ITGA10: variants seen among roughly 807,000 people sequenced by gnomAD.
ITGA10 encodes integrin alpha-10.
ITGA10 carries 105 observed loss-of-function variants against 145.2 expected under a neutral mutation model. The observed-to-expected ratio is 0.72, with a 90% CI of 0.62 to 0.85. The LOEUF is 0.85. ITGA10 is among the 40% of genes least tolerant of loss of function. ITGA10 has a pLI of 0.00. For missense variants in ITGA10, 1,317 were observed against 1,444.5 expected (o/e 0.91, Z 1.43); for synonymous variants, 506 against 557.8 (o/e 0.91, Z 1.31).
rs1654888688 is a variant in ITGA10, at chr1:145,892,827, C to A, written c.3475G>T (p.Glu1159Ter). 6.2e-7 allele frequency: 1 copy of A among 1,613,466 alleles called. No individual in the cohort carries two copies. The highest frequency in any genetic ancestry group is 8.5e-7 in the Non-Finnish European group (1 of 1,179,664). The change falls in exon 30 of 30, where the codon GAA (glutamate) becomes TAA (stop). Residue 1159 changes from glutamate to a stop codon, truncating the protein, a stop_gained. Transcript: ENST00000369304. LOFTEE classifies it high-confidence loss of function. ...TGCTCCAACTTCTCTTCTCTTTTTT[C>A]TTCCTCAGGGATTTTCTTATGGGCA... Reference protein sequence around the residue: ...FFAHKKIPEEEKREEKLEQ With the variant: ...FFAHKKIPEE
At chr1:145,899,924 C>T in intron 15 of ITGA10, 133 bp downstream of exon 15, 1 of 855,070 alleles carries the variant, frequency 1.2e-6, no homozygotes. Context: ...TTACTACTGT[C>T]ATTTTATAAA....
At position 145,898,921 on chromosome 1, in the gene ITGA10, C is replaced by G. The variant is rs1257932445; in HGVS notation, c.2232+15G>C. On this transcript the variant is annotated intron_variant, in intron 17 of 29. Transcript: ENST00000369304. ...CTCAGGCCCTGATGCTAAGCAGTTA[C>G]TGCCCTCTCCTTACCAGCACATGGA... 6.2e-7 allele frequency: 1 copy of G among 1,608,214 alleles called. No individual in the cohort carries two copies. The highest frequency in any genetic ancestry group is 8.5e-7 in the Non-Finnish European group (1 of 1,175,956).
intron 7 of ITGA10, 63 bp from the exon 8 acceptor site, chr1:145,903,024 T>C (rs28369274): frequency 0.029 from 10,750 of 376,780 alleles, 136 homozygotes; most frequent in South Asian, 0.065. Context: ...CACACACACA[T>C]ACACACACAC....
Position 145,892,019 on chromosome 1 carries a change from G to A in ITGA10, c.*779C>T, listed in dbSNP as rs1293342807. 6.6e-6 allele frequency: 1 copy of A among 152,600 alleles called. No homozygotes were observed. Among genetic ancestry groups the A allele is most frequent in the Non-Finnish European group, 1.5e-5 (1 of 68,150 alleles). The allele number at this position is 152,600 out of a possible 1,614,324, so 9.5% of individuals were successfully genotyped here. On this transcript the variant is annotated 3_prime_UTR_variant, in exon 30 of 30. Transcript: ENST00000369304. Reference sequence around the variant, plus strand: ...TGCTATTCCAGCTCCAGCCACCTGAGGGCTCCTGGCTTCAGAAAATCAGGC... The same window carrying A: ...TGCTATTCCAGCTCCAGCCACCTGAAGGCTCCTGGCTTCAGAAAATCAGGC...
At chr1:145,900,233 G>A in intron 14 of ITGA10, 46 bp from the exon 15 acceptor site, 1 of 1,550,408 alleles carries the variant, frequency 6.4e-7, no homozygotes, top group South Asian at 1.2e-5. Context: ...CATACACCTA[G>A]TTTCTCAGGC....
Position 145,898,995 on chromosome 1 carries a change from G to A in ITGA10, c.2173C>T (p.Arg725Trp), listed in dbSNP as rs782130276. 1.2e-5 allele frequency: 19 copies of A among 1,614,102 alleles called. No homozygotes were observed. The highest frequency in any genetic ancestry group is 1.6e-4 in the Middle Eastern group (1 of 6,084). The change falls in exon 17 of 30, where the codon CGG becomes TGG. Residue 725 changes from arginine (R) to tryptophan (W), a missense_variant. Arg to Trp is a moderately radical substitution (Grantham distance 101). Transcript: ENST00000369304. ...FDGSGQRLSPRRLRLSVGNVT... is the reference protein window; with the variant it reads ...FDGSGQRLSPWRLRLSVGNVT... ...TTCCCCACACTGAGCCGGAGCCTCC[G>A]AGGGGACAACCTCTGGCCAGAGCCA...
chr1:145,897,400 C>G, intron 20 of ITGA10, 61 bp from the exon 21 acceptor site: 2 of 1,599,298 alleles, frequency 1.3e-6, no homozygotes, highest in East Asian at 2.2e-5. Context: ...GTCCTACCCA[C>G]AGCCTCTAAA....
chr1:145,901,686 G>A lies in ITGA10; in HGVS notation c.1295-22C>T, dbSNP rs1656341487. The A allele has an allele frequency of 3.9e-6, 6 of 1,542,408 alleles. No homozygotes were observed. The highest frequency in any genetic ancestry group is 5.2e-6 in the Non-Finnish European group (6 of 1,146,450). On this transcript the variant is annotated intron_variant, in intron 11 of 29. Transcript: ENST00000369304. The surrounding 1 kb of genome is among the most constrained non-coding windows in gnomAD (Gnocchi z 4.3). ...TAACCTAGAAGTGGGCAAAGTAACAGAGGTAAAGGAAAAGAAGATGGGGTC... is the reference window on the plus strand; with the variant it reads ...TAACCTAGAAGTGGGCAAAGTAACAAAGGTAAAGGAAAAGAAGATGGGGTC...
At chr1:145,908,031 A>G (rs587633862) in intron 1 of ITGA10, among the ~76,000 whole-genome samples, 1 of 151,766 alleles carries the variant, frequency 6.6e-6, no homozygotes, top group South Asian at 2.1e-4. Flanking sequence ...CGGCCTCCCA[A>G]AGTGCTGGGA....
At position 145,895,826 on chromosome 1, in the gene ITGA10, T is replaced by C. The variant is rs1655313021; in HGVS notation, c.3034-115A>G. The stretch of plus-strand genomic sequence containing the variant: ...TCTTCCCCTTATAATACCTTTTTCT[T>C]CTCTCTAATAAGCCACATGTGTAAA... On this transcript the variant is annotated intron_variant, in intron 25 of 29. Coordinates refer to ENST00000369304, the MANE Select transcript of ITGA10 (RefSeq NM_003637.5). 1.1e-5 allele frequency: 12 copies of C among 1,076,842 alleles called. 1 individual carries two copies. In the South Asian group the frequency reaches 1.7e-4, roughly 16 times the overall value. 66.7% of individuals were successfully genotyped at this position (1,076,842 alleles called of 1,614,324 possible).
chr1:145,903,827 G>C (rs1181044458), intron 7 of ITGA10, among the ~76,000 whole-genome samples: 4 of 151,864 alleles, frequency 2.6e-5, no homozygotes. Flanking sequence ...GCATGCCTCT[G>C]AACAGGCATG....
At position 145,902,592 on chromosome 1, in the gene ITGA10, G is replaced by A. The variant is rs1553749335; in HGVS notation, c.937C>T (p.Arg313Ter). Residue 313 changes from arginine (R) to a stop codon, truncating the protein, a stop_gained, in exon 9 of 30, where the codon CGA (arginine) becomes TGA (stop). Transcript: ENST00000369304. LOFTEE classifies it high-confidence loss of function. ...AVLGHYLRRQ[R>*]DPSSFLREIR... ...TCTCTCAGGAAAGAGCTGGGATCTCGCTGCCGCCGGAGGTAGTGACCAAGG... is the reference window on the plus strand; with the variant it reads ...TCTCTCAGGAAAGAGCTGGGATCTCACTGCCGCCGGAGGTAGTGACCAAGG... The A allele has an allele frequency of 5.6e-6, 9 of 1,608,996 alleles. No individual in the cohort carries two copies. The highest frequency in any genetic ancestry group is 4.0e-5 in the African/African-American group (3 of 74,776).
At chr1:145,900,032 C>T in intron 15 of ITGA10, 25 bp downstream of exon 15, 4 of 1,605,452 alleles carry the variant, frequency 2.5e-6, no homozygotes, top group Non-Finnish European at 2.5e-6. Flanking sequence ...TGCTGTCCAC[C>T]ACCACCTGAG....
At position 145,899,210 on chromosome 1, in the gene ITGA10, G is replaced by A. The variant is rs781935350; in HGVS notation, c.2054C>T (p.Thr685Ile). 2.1e-5 allele frequency: 34 copies of A among 1,614,124 alleles called. No homozygotes were observed. The East Asian group carries it at 7.6e-4, about 36-fold the overall frequency. Residue 685 changes from threonine to isoleucine, a missense_variant, in exon 16 of 30, where the codon ACC becomes ATC. Coordinates refer to ENST00000369304, the MANE Select transcript of ITGA10 (RefSeq NM_003637.5). ...ATCCCAGCGACCAGGAGTACGGGAGGTCACTTGGAAGCAAAGGGCTGCAGT... is the reference window on the plus strand; with the variant it reads ...ATCCCAGCGACCAGGAGTACGGGAGATCACTTGGAAGCAAAGGGCTGCAGT... ...CLTAALCFQV[T>I]SRTPGRWDHQ...
chr1:145,906,640 A>C (rs1657178548), intron 4 of ITGA10, 93 bp downstream of exon 4: 1 of 1,272,306 alleles, frequency 7.9e-7, no homozygotes, highest in Non-Finnish European at 1.1e-6. Flanking sequence ...TAACTCCTTG[A>C]CCCCTCCACA....
chr1:145,892,902 G>A, intron 29 of ITGA10, 39 bp from the exon 30 acceptor site: 1 of 1,539,200 alleles, frequency 6.5e-7, no homozygotes, highest in Non-Finnish European at 9.0e-7. Context: ...CAAATGCCTA[G>A]ACTGGGAACC....
chr1:145,899,405 C>A, intron 15 of ITGA10, 64 bp from the exon 16 acceptor site: 1 of 1,552,866 alleles, frequency 6.4e-7, no homozygotes, highest in South Asian at 1.2e-5. Context: ...AGTGCAAGCC[C>A]AGTGTTTGCT....
rs1403824962 is a variant in ITGA10 at position 145,901,058 on chromosome 1, A to C, written c.1588-65T>G. 22 of 1,612,760 alleles carry C rather than the reference A, an allele frequency of 1.4e-5. 1 individual carries two copies. The Admixed American group carries it at 3.5e-4, about 26-fold the overall frequency. ...ACCCAACCTCTCAGCAAACCCTCAA[A>C]TATGTGCACCTTCCCTCCTTTCCTC... On this transcript the variant is annotated intron_variant, in intron 13 of 29. Coordinates refer to ENST00000369304, the MANE Select transcript of ITGA10 (RefSeq NM_003637.5). The surrounding 1 kb of genome is among the most constrained non-coding windows in gnomAD (Gnocchi z 4.3).
intron 5 of ITGA10, 29 bp from the exon 6 acceptor site, chr1:145,904,840 G>C (rs782235556): frequency 7.5e-6 from 12 of 1,608,564 alleles, no homozygotes; most frequent in Non-Finnish European, 1.0e-5. Flanking sequence ...CTGAGGTAGA[G>C]GACACTGAGC....
Sources: allele counts gnomAD v4.1 joint callset (sites outside exome capture counted in the v4.1 genomes callset), GRCh38; gene constraint gnomAD v4.1.1; non-coding constraint Gnocchi (gnomAD v3.1); transcripts MANE v1.5; gene names NCBI Gene and HGNC (gene_info 2026-07-23, HGNC 2026-07-21).